Variants in ZDHHC1 observed in about 807,000 individuals in gnomAD.
The protein encoded by ZDHHC1 is palmitoyltransferase ZDHHC1.
Under a neutral mutation model 46.9 loss-of-function variants are expected in ZDHHC1, and 45 were observed. That is an observed-to-expected ratio of 0.96 (90% CI 0.76 to 1.23). ZDHHC1 has a LOEUF of 1.23. Ranked by LOEUF, ZDHHC1 falls within the 50% of genes most tolerant of loss-of-function variation. The pLI, the probability that ZDHHC1 is intolerant of heterozygous loss-of-function variation, is 0.00. For missense variants in ZDHHC1, 649 were observed against 670.8 expected, an observed-to-expected ratio of 0.97 and a Z score of 0.36; for synonymous variants, 291 against 286.0, an observed-to-expected ratio of 1.02 and a Z score of -0.18.
chr16:67,399,336 G>A lies in ZDHHC1; in HGVS notation c.530+19C>T, dbSNP rs1390851999. On this transcript the variant is annotated intron_variant, in intron 5 of 11. Transcript: ENST00000565726. ...AGACAGTGCATCCCCAGGCCCGCGT[G>A]CGGCCGGGCTGTCCTCACCGGTAGT... is the stretch of plus-strand genomic sequence containing the variant. The A allele has an allele frequency of 3.1e-6, 5 of 1,601,878 alleles. No individual in the cohort carries two copies. Among genetic ancestry groups the A allele is most frequent in the Middle Eastern group, 1.7e-4 (1 of 6,028 alleles).
intron 5 of ZDHHC1, 64 bp from the exon 6 acceptor site, chr16:67,399,008 T>G (rs2040492209): frequency 6.3e-7 from 1 of 1,575,328 alleles, no homozygotes; most frequent in African/African-American, 1.4e-5. Flanking sequence ...CCCATAGGAG[T>G]TGGGGCTGTA....
Position 67,394,980 on chromosome 16 carries a change from C to T in ZDHHC1, c.1165+22G>A, listed in dbSNP as rs2040394044. 6 of 1,600,102 alleles carry T rather than the reference C, an allele frequency of 3.7e-6. No homozygotes were observed. In the Admixed American group the frequency reaches 6.8e-5, roughly 18 times the overall value. On this transcript the variant is annotated intron_variant, in intron 11 of 11. Coordinates refer to ENST00000565726, the MANE Select transcript of ZDHHC1 (RefSeq NM_001323627.2). Reference sequence around the variant, plus strand: ...CTCCCTCGAGTTCCCAGAGCAGGACCCGGACAGGGAGAGGCGCTCACCCGA... The same window carrying T: ...CTCCCTCGAGTTCCCAGAGCAGGACTCGGACAGGGAGAGGCGCTCACCCGA...
In ZDHHC1 at chr16:67,398,206, C is replaced by T; in HGVS notation, c.927+6G>A. 1 of 1,612,512 alleles carries T rather than the reference C, an allele frequency of 6.2e-7. No homozygotes were observed. Among genetic ancestry groups the T allele is most frequent in the Non-Finnish European group, 8.5e-7 (1 of 1,178,554 alleles). On this transcript the variant is annotated splice_donor_region_variant and intron_variant, in intron 8 of 11. Transcript: ENST00000565726. ...CAGGCCCCCTCCCACCCTTCATCCT[C>T]TATACCTGAATGGGCCGCATCTTGG...
rs977350848 is a variant in ZDHHC1 at position 67,394,202 on chromosome 16, C to T, written c.*408G>A. On this transcript the variant is annotated 3_prime_UTR_variant, in exon 12 of 12. Transcript: ENST00000565726. ...TCGGAGCCCAAAGCCTGCTTTCTCT[C>T]GGCCTCCCAGTGCAAAGCCCATCTT... Among the ~76,000 whole-genome samples, 9 of 152,220 alleles carry T rather than the reference C, an allele frequency of 5.9e-5. No individual in the cohort carries two copies. Among genetic ancestry groups the T allele is most frequent in the African/African-American group, 1.7e-4 (7 of 41,462 alleles).
intron 1 of ZDHHC1, among the ~76,000 whole-genome samples, chr16:67,410,321 AC>A (rs1215966195): frequency 2.0e-5 from 3 of 152,098 alleles, no homozygotes; most frequent in Admixed American, 2.0e-4. Flanking sequence ...CCACCTGGCT[AC>A]CTCCAGCTGC....
intron 2 of ZDHHC1, 47 bp downstream of exon 2, chr16:67,407,720 T>C (rs757069499): frequency 1.3e-6 from 1 of 780,724 alleles, no homozygotes; most frequent in Admixed American, 1.7e-5. Context: ...TGGGGTTTAT[T>C]CATCTCTGTC....
In ZDHHC1 at chr16:67,394,251, CCGCCTTCT is replaced by C. The variant is rs1380004402; in HGVS notation, c.*351_*358del. Among the ~76,000 whole-genome samples, 1 of 152,222 alleles carries C rather than the reference CCGCCTTCT, an allele frequency of 6.6e-6. No homozygotes were observed. The highest frequency in any genetic ancestry group is 1.5e-5 in the Non-Finnish European group (1 of 68,030). On this transcript the variant is annotated 3_prime_UTR_variant, in exon 12 of 12. Transcript: ENST00000565726. ...TTTAAGAAAAATAACCTCCTCCAGGCCGCCTTCTAAGGCCTTTCCTAACCACGAGCCGC... is the reference window on the plus strand; with the variant it reads ...TTTAAGAAAAATAACCTCCTCCAGGCAAGGCCTTTCCTAACCACGAGCCGC...
rs1400602277 is a variant in ZDHHC1 at position 67,406,949 on chromosome 16, G to A, written c.10-507C>T. 6.6e-6 allele frequency among the ~76,000 whole-genome samples: 1 copy of A among 152,200 alleles called. No individual in the cohort carries two copies. Among genetic ancestry groups the A allele is most frequent in the Non-Finnish European group, 1.5e-5 (1 of 68,020 alleles). The stretch of plus-strand genomic sequence containing the variant: ...AGGATCTGCCCTCTCCCCCACGGTG[G>A]ACAGAAAATCCCTTTAGGACTGGGG... On this transcript the variant is annotated intron_variant, in intron 2 of 11. Transcript: ENST00000565726. The surrounding 1 kb of genome is among the most constrained non-coding windows in gnomAD (Gnocchi z 4.1).
intron 7 of ZDHHC1, 62 bp downstream of exon 7, chr16:67,398,511 G>T: frequency 6.5e-7 from 1 of 1,546,418 alleles, no homozygotes; most frequent in East Asian, 2.4e-5. Context: ...CCGTCCAACT[G>T]GGCACCTTCC....
At position 67,395,018 on chromosome 16, in the gene ZDHHC1, G is replaced by A. The variant is rs775505887; in HGVS notation, c.1149C>T (p.Thr383=). 1.8e-5 allele frequency: 29 copies of A among 1,611,662 alleles called. No individual in the cohort carries two copies. Among genetic ancestry groups the A allele is most frequent in the Non-Finnish European group, 2.4e-5 (28 of 1,179,188 alleles). ...RRVYKVRTSE[T]SDPASGPRAP... ...GGCGCTCACCCGACGCCGGATCCGA[G>A]GTCTCAGACGTTCGCACTTTATACA... Residue 383 remains threonine (T), a synonymous_variant, in exon 11 of 12, where the codon ACC becomes ACT. Coordinates refer to ENST00000565726, the MANE Select transcript of ZDHHC1 (RefSeq NM_001323627.2).
rs967973447 is a variant in ZDHHC1, at chr16:67,398,884, G to A, written c.591C>T (p.Ala197=). The A allele has an allele frequency of 6.2e-7, 1 of 1,613,334 alleles. No individual in the cohort carries two copies. Among genetic ancestry groups the A allele is most frequent in the Admixed American group, 1.7e-5 (1 of 59,894 alleles). The change falls in exon 6 of 12, where the codon GCC becomes GCT. Residue 197 remains alanine, a synonymous_variant. Transcript: ENST00000565726. ...CAAAGAACTCCACGAAGACATATGT[G>A]GCCACCAGCACCAGGAGCAGGACGC... The part of the protein sequence containing the change: ...LLGVLLLVLV[A]TYVFVEFFVN...
chr16:67,397,936 C>T (rs953992389), intron 8 of ZDHHC1, among the ~76,000 whole-genome samples: 1 of 152,218 alleles, frequency 6.6e-6, no homozygotes, highest in Non-Finnish European at 1.5e-5. Context: ...CTGCTGCAGC[C>T]CCAACCTGCT....
At chr16:67,407,247 G>C (rs1162095480) in intron 2 of ZDHHC1, among the ~76,000 whole-genome samples, 1 of 152,190 alleles carries the variant, frequency 6.6e-6, no homozygotes, top group Non-Finnish European at 1.5e-5. Flanking sequence ...TGAATGCCAG[G>C]CAAGAAGGGG....
At chr16:67,396,831 C>G (rs2142224030) in intron 8 of ZDHHC1, among the ~76,000 whole-genome samples, 1 of 152,298 alleles carries the variant, frequency 6.6e-6, no homozygotes, top group South Asian at 2.1e-4. Flanking sequence ...ACTGGGGGGC[C>G]CTGGGCTCCA....
intron 4 of ZDHHC1, among the ~76,000 whole-genome samples, chr16:67,400,468 G>A (rs939893663): frequency 1.3e-4 from 20 of 152,258 alleles, no homozygotes; most frequent in Non-Finnish European, 2.5e-4. Flanking sequence ...CCCCAGGGCA[G>A]CAGTATCTGC....
chr16:67,399,171 C>T (rs1429427962), intron 5 of ZDHHC1, among the ~76,000 whole-genome samples, 184 bp downstream of exon 5: 1 of 152,200 alleles, frequency 6.6e-6, no homozygotes, highest in Non-Finnish European at 1.5e-5. Flanking sequence ...TCCAGGCCCA[C>T]CCTTGGCCAT....
intron 1 of ZDHHC1, among the ~76,000 whole-genome samples, chr16:67,409,279 CT>C (rs2040712777): frequency 1.3e-5 from 2 of 151,326 alleles, no homozygotes; most frequent in African/African-American, 2.5e-5. Context: ...AGGATACCCC[CT>C]GATACTCCAA....
chr16:67,398,767 C>T (rs374778259), intron 6 of ZDHHC1, 36 bp from the exon 7 acceptor site: 213 of 1,611,562 alleles, frequency 1.3e-4, no homozygotes, highest in Non-Finnish European at 1.7e-4. Context: ...CAGCCGGGGA[C>T]GTGACGGGTG....
At chr16:67,400,923 C>A in intron 4 of ZDHHC1, 34 bp downstream of exon 4, 1 of 1,604,994 alleles carries the variant, frequency 6.2e-7, no homozygotes, top group Non-Finnish European at 8.5e-7. Flanking sequence ...CCCCACAGCA[C>A]ACTCGGCAGC....
Sources: allele counts gnomAD v4.1 joint callset (sites outside exome capture counted in the v4.1 genomes callset), GRCh38; gene constraint gnomAD v4.1.1; non-coding constraint Gnocchi (gnomAD v3.1); transcripts MANE v1.5; gene names NCBI Gene and HGNC (gene_info 2026-07-23, HGNC 2026-07-21).